SESTD1: variants seen among roughly 807,000 people sequenced by gnomAD.
SESTD1 encodes SEC14 and spectrin domain containing 1.
A neutral mutation model predicts 101.7 loss-of-function variants in SESTD1; 43 were observed. The observed-to-expected ratio is 0.42, with a 90% CI of 0.33 to 0.55. SESTD1 has a LOEUF of 0.55. Among genes scored for constraint, SESTD1 ranks in the 20% least tolerant of loss-of-function variants. The pLI is 0.07. For synonymous variants in SESTD1, 283 were observed against 286.8 expected (o/e 0.99, Z 0.13); for missense variants, 647 against 815.1 (o/e 0.79, Z 2.51).
At position 179,237,288 on chromosome 2, in the gene SESTD1, G is replaced by A. The variant is rs536873721; in HGVS notation, c.-26+27211C>T. The stretch of plus-strand genomic sequence containing the variant: ...AACCATACTTACAGAAATTAGCACT[G>A]CTTTTCCTGTCTTCTTGTGTTTTAA... On this transcript the variant is annotated intron_variant, in intron 1 of 17. Transcript: ENST00000428443. Among the ~76,000 whole-genome samples, 3 of 152,044 alleles carry A rather than the reference G, an allele frequency of 2.0e-5. No homozygotes were observed. In the South Asian group the frequency reaches 6.2e-4, roughly 32 times the overall value.
At chr2:179,151,134 T>C in intron 6 of SESTD1, 144 bp downstream of exon 6, 1 of 480,006 alleles carries the variant, frequency 2.1e-6, no homozygotes, top group Non-Finnish European at 3.5e-6. Context: ...TATTTGTCTA[T>C]TATGCTATAA....
chr2:179,155,094 T>A (rs932542534), intron 5 of SESTD1, among the ~76,000 whole-genome samples: 13 of 152,048 alleles, frequency 8.5e-5, no homozygotes, highest in Non-Finnish European at 1.6e-4. Context: ...TTTTTGTTTT[T>A]TAGTAGAGAC....
Position 179,211,993 on chromosome 2 carries a change from CA to C in SESTD1, c.-25-20128del, listed in dbSNP as rs2046656901. ...ATGTAACCAAACACCACTTGATCCC[CA>C]AAAACTATTGAAATAATTAAAAAAT... On this transcript the variant is annotated intron_variant, in intron 1 of 17. Transcript: ENST00000428443. Among the ~76,000 whole-genome samples, 2 of 134,292 alleles carry C rather than the reference CA, an allele frequency of 1.5e-5. 1 individual carries two copies. The highest frequency in any genetic ancestry group is 3.2e-5 in the Non-Finnish European group (2 of 62,592). 88.1% of individuals were successfully genotyped at this position (134,292 alleles called of 152,430 possible). A position where few individuals can be genotyped will look rare whatever the true frequency, so the allele number is the denominator to read the frequency against.
intron 1 of SESTD1, among the ~76,000 whole-genome samples, chr2:179,235,133 A>G (rs779066970): frequency 1.5e-4 from 23 of 152,190 alleles, no homozygotes; most frequent in Non-Finnish European, 2.4e-4. Flanking sequence ...AAATTTAAAT[A>G]AAGTCTATAG....
intron 2 of SESTD1, among the ~76,000 whole-genome samples, chr2:179,186,524 T>A (rs1575469937): frequency 6.6e-6 from 1 of 152,184 alleles, no homozygotes; most frequent in South Asian, 2.1e-4. Context: ...TCATAAAAAC[T>A]AATTATTCTG....
rs141131748 is a variant in SESTD1 at position 179,229,538 on chromosome 2, T to C, written c.-26+34961A>G. 6.7e-4 allele frequency among the ~76,000 whole-genome samples: 102 copies of C among 152,096 alleles called. 1 individual carries two copies. The highest frequency in any genetic ancestry group is 2.3e-3 in the African/African-American group (95 of 41,472). On this transcript the variant is annotated intron_variant, in intron 1 of 17. Transcript: ENST00000428443. ...AAAAATCTCGTTCTAGATATAGATA[T>C]ACATATGTTTTTAGATATATATCTA...
intron 1 of SESTD1, among the ~76,000 whole-genome samples, chr2:179,218,601 T>C (rs1207637235): frequency 6.6e-6 from 1 of 152,178 alleles, no homozygotes; most frequent in Non-Finnish European, 1.5e-5. Context: ...GCAAAATAAG[T>C]ACTTCTTAGA....
rs887028511 is a variant in SESTD1 at position 179,105,231 on chromosome 2, CT to C, written c.*4667del. On this transcript the variant is annotated 3_prime_UTR_variant, in exon 18 of 18. Transcript: ENST00000428443. The stretch of plus-strand genomic sequence containing the variant: ...GGGATACTTAAATAACAGATTTATG[CT>C]GTTGTTGTTTCTACTGGTCGGTGCT... 2.2e-4 allele frequency: 33 copies of C among 148,034 alleles called. 1 individual carries two copies. Among genetic ancestry groups the C allele is most frequent in the Middle Eastern group, 3.5e-3 (1 of 286 alleles). 9.2% of individuals were successfully genotyped at this position (148,034 alleles called of 1,614,324 possible). A position where few individuals can be genotyped will look rare whatever the true frequency, so the allele number is the denominator to read the frequency against.
At chr2:179,111,459 G>T (rs2044504327) in intron 17 of SESTD1, among the ~76,000 whole-genome samples, 1 of 152,076 alleles carries the variant, frequency 6.6e-6, no homozygotes, top group Non-Finnish European at 1.5e-5. Flanking sequence ...GTGTTACATG[G>T]CAGTTTTTAG....
chr2:179,115,284 G>C, intron 15 of SESTD1, 28 bp from the exon 16 acceptor site: 2 of 1,521,152 alleles, frequency 1.3e-6, no homozygotes, highest in Non-Finnish European at 1.8e-6. Context: ...ACATAAAATT[G>C]TAATAAAAGA....
In SESTD1 at chr2:179,216,772, T is replaced by C. The variant is rs1469505464; in HGVS notation, c.-25-24906A>G. Reference sequence around the variant, plus strand: ...AGTAACCAAAACAGCATGGTACTGGTACCAAAACAGACATACAGACCAGTG... The same window carrying C: ...AGTAACCAAAACAGCATGGTACTGGCACCAAAACAGACATACAGACCAGTG... On this transcript the variant is annotated intron_variant, in intron 1 of 17. Transcript: ENST00000428443. 3.0e-5 allele frequency among the ~76,000 whole-genome samples: 4 copies of C among 134,876 alleles called. 1 individual carries two copies. Among genetic ancestry groups the C allele is most frequent in the Admixed American group, 2.9e-4 (4 of 13,884 alleles). 88.5% of individuals were successfully genotyped at this position (134,876 alleles called of 152,430 possible).
At chr2:179,151,933 A>T (rs2045539398) in intron 5 of SESTD1, among the ~76,000 whole-genome samples, 1 of 152,174 alleles carries the variant, frequency 6.6e-6, no homozygotes, top group Non-Finnish European at 1.5e-5. Flanking sequence ...GTATTTATAA[A>T]CTTGAAACGT....
At chr2:179,136,618 T>C (rs2105433436) in intron 9 of SESTD1, among the ~76,000 whole-genome samples, 1 of 152,240 alleles carries the variant, frequency 6.6e-6, no homozygotes, top group East Asian at 1.9e-4. Context: ...ACTAGAAATA[T>C]CTAAGTTCTA....
chr2:179,128,348 A>G (rs2044926034), intron 10 of SESTD1, among the ~76,000 whole-genome samples: 1 of 152,226 alleles, frequency 6.6e-6, no homozygotes, highest in African/African-American at 2.4e-5. Context: ...ATAAAGAAAT[A>G]GTCTCTCTGG....
intron 10 of SESTD1, among the ~76,000 whole-genome samples, chr2:179,130,738 C>A (rs1027802812): frequency 6.6e-6 from 1 of 151,908 alleles, no homozygotes; most frequent in Non-Finnish European, 1.5e-5. Context: ...TAGGTGAAGT[C>A]TAGAATGTTC....
intron 1 of SESTD1, among the ~76,000 whole-genome samples, chr2:179,238,504 T>C (rs2047101633): frequency 6.6e-6 from 1 of 152,174 alleles, no homozygotes; most frequent in South Asian, 2.1e-4. Flanking sequence ...ACTTTGACAA[T>C]TATCTAATAA....
chr2:179,262,670 C>T (rs1229882755), intron 1 of SESTD1, among the ~76,000 whole-genome samples: 1 of 152,094 alleles, frequency 6.6e-6, no homozygotes, highest in Non-Finnish European at 1.5e-5. Context: ...AAAGAAATGT[C>T]ATTAATACCA....
chr2:179,167,493 T>C (rs892285029), intron 5 of SESTD1, among the ~76,000 whole-genome samples: 2 of 152,140 alleles, frequency 1.3e-5, no homozygotes, highest in Non-Finnish European at 2.9e-5. Flanking sequence ...TTTTCCAAAA[T>C]TGATGACAGA....
At chr2:179,149,143 A>T (rs1483514252) in intron 7 of SESTD1, among the ~76,000 whole-genome samples, 154 bp downstream of exon 7, 4 of 151,876 alleles carry the variant, frequency 2.6e-5, no homozygotes, top group Non-Finnish European at 5.9e-5. Context: ...CATGTAAAGC[A>T]AATTCAAATT....
Sources: allele counts gnomAD v4.1 joint callset (sites outside exome capture counted in the v4.1 genomes callset), GRCh38; gene constraint gnomAD v4.1.1; transcripts MANE v1.5; gene names NCBI Gene and HGNC (gene_info 2026-07-23, HGNC 2026-07-21).